Variants in LRP1B observed in about 807,000 individuals in gnomAD.
LRP1B encodes low-density lipoprotein receptor-related protein 1B.
A neutral mutation model predicts 556.6 loss-of-function variants in LRP1B; 217 were observed. The observed-to-expected ratio is 0.39, with a 90% CI of 0.35 to 0.44. The LOEUF (loss-of-function observed/expected upper bound fraction) is 0.44. Ranked by LOEUF, LRP1B falls within the 20% of genes least tolerant of loss-of-function variation. The probability of loss-of-function intolerance (pLI) is 1.00; values close to 1 mark genes in which losing one functional copy is unlikely to be tolerated. For synonymous variants in LRP1B, 2,047 were observed against 1,865.8 expected (o/e 1.10, Z -2.50); for missense variants, 5,053 against 5,620.8 (o/e 0.90, Z 3.23).
chr2:141,602,296 A>G (rs544675895), intron 2 of LRP1B, among the ~76,000 whole-genome samples: 1 of 152,300 alleles, frequency 6.6e-6, no homozygotes, highest in Non-Finnish European at 1.5e-5. Flanking sequence ...AACCAGCATG[A>G]AAATATGTTT....
At chr2:141,788,871 T>C (rs1003125556) in intron 2 of LRP1B, among the ~76,000 whole-genome samples, 6 of 152,088 alleles carry the variant, frequency 3.9e-5, no homozygotes, top group African/African-American at 1.4e-4. Context: ...CATGAACTTA[T>C]CATTTTTTAT....
chr2:141,102,030 C>A (rs1031886383), intron 7 of LRP1B, among the ~76,000 whole-genome samples: 1 of 152,006 alleles, frequency 6.6e-6, no homozygotes, highest in Non-Finnish European at 1.5e-5. Context: ...TTTGGTTATC[C>A]AGTATTATAC....
chr2:141,365,418 T>C (rs936999946), intron 3 of LRP1B, among the ~76,000 whole-genome samples: 1 of 151,764 alleles, frequency 6.6e-6, no homozygotes, highest in Non-Finnish European at 1.5e-5. Context: ...CTACTTGGAA[T>C]GTTAGAGTCC....
intron 2 of LRP1B, among the ~76,000 whole-genome samples, chr2:141,494,591 T>A (rs1683449730): frequency 6.6e-6 from 1 of 151,796 alleles, no homozygotes; most frequent in Non-Finnish European, 1.5e-5. Context: ...TTTCTTGTTT[T>A]AAACAGAGCT....
At chr2:140,467,590 G>C (rs1051442773) in intron 60 of LRP1B, among the ~76,000 whole-genome samples, 7 of 149,522 alleles carry the variant, frequency 4.7e-5, no homozygotes, top group Non-Finnish European at 8.9e-5. Context: ...TCCTGCCTGG[G>C]GGACAGAGGG....
At chr2:140,735,582 A>G (rs966412689) in intron 35 of LRP1B, among the ~76,000 whole-genome samples, 2 of 152,136 alleles carry the variant, frequency 1.3e-5, no homozygotes, top group African/African-American at 4.8e-5. Flanking sequence ...GGATGAGAAT[A>G]TCTGGATGTA....
intron 66 of LRP1B, among the ~76,000 whole-genome samples, chr2:140,432,482 T>A (rs1312623959): frequency 6.6e-6 from 1 of 152,232 alleles, no homozygotes; most frequent in Non-Finnish European, 1.5e-5. Context: ...AGGTAGTTTC[T>A]TGTGCCTCTG....
At chr2:141,924,384 C>A (rs1030202079) in intron 1 of LRP1B, among the ~76,000 whole-genome samples, 1 of 152,120 alleles carries the variant, frequency 6.6e-6, no homozygotes. Flanking sequence ...GCCACCTCCA[C>A]CATTCCATAA....
In LRP1B at chr2:140,233,206, T is replaced by C. The variant is rs777318122; in HGVS notation, c.13780A>G (p.Ile4594Val). ...ACTGATTATGCCACTGTCTCTCTTA[T>C]ACCAATTTCTATTTTCTTTGGAAGC... is the stretch of plus-strand genomic sequence containing the variant. ...ELLPKKIEIG[I>V]RETVA Residue 4594 changes from isoleucine (I) to valine (V), a missense_variant, in exon 91 of 91, where the codon ATA (isoleucine) becomes GTA (valine). Coordinates refer to ENST00000389484, the MANE Select transcript of LRP1B (RefSeq NM_018557.3). 19 of 1,600,918 alleles carry C rather than the reference T, an allele frequency of 1.2e-5. No homozygotes were observed. In the Admixed American group the frequency reaches 1.9e-4, roughly 16 times the overall value.
intron 3 of LRP1B, among the ~76,000 whole-genome samples, chr2:141,304,156 G>A (rs1053163327): frequency 2.6e-5 from 4 of 151,998 alleles, no homozygotes; most frequent in African/African-American, 9.7e-5. Flanking sequence ...TGTATATTCT[G>A]GATATTAGTC....
At chr2:141,779,322 A>C (rs1321921964) in intron 2 of LRP1B, among the ~76,000 whole-genome samples, 1 of 152,046 alleles carries the variant, frequency 6.6e-6, no homozygotes, top group East Asian at 1.9e-4. Flanking sequence ...CAGATTAACT[A>C]CCTTCAAATG....
chr2:140,258,800 G>A (rs1011890545), intron 86 of LRP1B, among the ~76,000 whole-genome samples: 1 of 152,010 alleles, frequency 6.6e-6, no homozygotes, highest in African/African-American at 2.4e-5. Context: ...CAGCGTAGAC[G>A]GTCCTCTATA....
intron 2 of LRP1B, among the ~76,000 whole-genome samples, chr2:141,721,165 C>T (rs759843552): frequency 2.6e-5 from 4 of 152,102 alleles, no homozygotes; most frequent in Non-Finnish European, 5.9e-5. Flanking sequence ...ATAAACAAAC[C>T]TTCATGGGGT....
rs193187663 is a variant in LRP1B, at chr2:140,513,227, T to A, written c.8269+1426A>T. On this transcript the variant is annotated intron_variant, in intron 51 of 90. Transcript: ENST00000389484. ...CAAGATAAGGAAAAAAATGAAGTGGTCTATGATCACACAGCTTGAAAATGC... is the reference window on the plus strand; with the variant it reads ...CAAGATAAGGAAAAAAATGAAGTGGACTATGATCACACAGCTTGAAAATGC... Among the ~76,000 whole-genome samples, 371 of 152,136 alleles carry A rather than the reference T, an allele frequency of 2.4e-3. 3 individuals carry two copies. The highest frequency in any genetic ancestry group is 8.6e-3 in the African/African-American group (356 of 41,556).
At chr2:141,614,616 C>T (rs1688230069) in intron 2 of LRP1B, among the ~76,000 whole-genome samples, 1 of 152,170 alleles carries the variant, frequency 6.6e-6, no homozygotes, top group Non-Finnish European at 1.5e-5. Flanking sequence ...CATAGAGACA[C>T]ACAGGTAGAA....
intron 43 of LRP1B, among the ~76,000 whole-genome samples, chr2:140,590,256 T>C (rs1051879895): frequency 2.0e-5 from 3 of 147,180 alleles, no homozygotes; most frequent in African/African-American, 4.9e-5. Context: ...ATATACATAA[T>C]ATATAATGTA....
At chr2:140,326,734 A>C (rs1411160546) in intron 79 of LRP1B, among the ~76,000 whole-genome samples, 11 of 151,366 alleles carry the variant, frequency 7.3e-5, no homozygotes, top group African/African-American at 2.7e-4. Flanking sequence ...GGAAGAATAA[A>C]CAGTAAAGTT....
intron 1 of LRP1B, among the ~76,000 whole-genome samples, chr2:141,881,794 C>T (rs1441485200): frequency 6.6e-6 from 1 of 151,938 alleles, no homozygotes; most frequent in East Asian, 1.9e-4. Flanking sequence ...GGTGAATTAT[C>T]GAAGAGTCAA....
chr2:141,617,165 T>C (rs1688335498), intron 2 of LRP1B, among the ~76,000 whole-genome samples: 1 of 152,176 alleles, frequency 6.6e-6, no homozygotes, highest in Non-Finnish European at 1.5e-5. Flanking sequence ...GTGGAATGTG[T>C]GCTCGTAAAG....
Sources: gnomAD v4.1 joint callset for allele counts (sites outside exome capture counted in the v4.1 genomes callset) on GRCh38, gnomAD v4.1.1 for gene constraint, MANE v1.5 for transcripts, NCBI Gene and HGNC (gene_info 2026-07-23, HGNC 2026-07-21) for gene names.